SLC24A2: variants seen among roughly 807,000 people sequenced by gnomAD.
SLC24A2 encodes sodium/potassium/calcium exchanger 2.
Under a neutral mutation model 62.0 loss-of-function variants are expected in SLC24A2, and 36 were observed. The ratio of observed to expected loss-of-function variants is 0.58; its 90% confidence interval spans 0.44 to 0.77. The LOEUF (loss-of-function observed/expected upper bound fraction) is 0.77, where lower values mean the gene tolerates loss of function less well. Ranked by LOEUF, SLC24A2 falls within the 30% of genes least tolerant of loss-of-function variation. The pLI, the probability that SLC24A2 is intolerant of heterozygous loss-of-function variation, is 0.00. For synonymous variants in SLC24A2, 358 were observed against 294.0 expected (o/e 1.22, Z -2.23); for missense variants, 846 against 817.9 (o/e 1.03, Z -0.42).
chr9:19,703,266 C>A (rs1008042184), intron 2 of SLC24A2, among the ~76,000 whole-genome samples: 1 of 152,160 alleles, frequency 6.6e-6, no homozygotes, highest in African/African-American at 2.4e-5. Context: ...AAAGCTAGGG[C>A]TCAGAGAGAT....
the SLC24A2 span, among the ~76,000 whole-genome samples, chr9:19,996,557 T>C: frequency 3.3e-5 from 5 of 151,968 alleles, no homozygotes; most frequent in African/African-American, 9.7e-5. Context: ...CTGGCCAACA[T>C]GGTGAAATCC....
chr9:19,760,162 CCTGTAG>C (rs1822275975), intron 2 of SLC24A2, among the ~76,000 whole-genome samples: 1 of 152,030 alleles, frequency 6.6e-6, no homozygotes, highest in African/African-American at 2.4e-5. Context: ...TCACCCATTA[CCTGTAG>C]CTGGGCAATC....
chr9:19,866,049 G>A, the SLC24A2 span, among the ~76,000 whole-genome samples: 1 of 152,144 alleles, frequency 6.6e-6, no homozygotes, highest in Non-Finnish European at 1.5e-5. Flanking sequence ...GATTAGAATG[G>A]ACCTTTCTCA....
the SLC24A2 span, among the ~76,000 whole-genome samples, chr9:20,006,567 T>C: frequency 1.3e-5 from 2 of 152,108 alleles, no homozygotes; most frequent in Non-Finnish European, 2.9e-5. Flanking sequence ...TGTATCAAAA[T>C]ATCTCATATA....
At chr9:19,568,020 A>G (rs1236425575) in intron 7 of SLC24A2, among the ~76,000 whole-genome samples, 1 of 152,244 alleles carries the variant, frequency 6.6e-6, no homozygotes, top group Non-Finnish European at 1.5e-5. Context: ...TACACAAGGC[A>G]GGCTAAAGTC....
the SLC24A2 span, among the ~76,000 whole-genome samples, chr9:20,210,046 C>T: frequency 2.6e-5 from 4 of 152,172 alleles, no homozygotes; most frequent in African/African-American, 9.7e-5. Context: ...GTGAAGAGTT[C>T]ATTGTCAGGG....
the SLC24A2 span, among the ~76,000 whole-genome samples, chr9:20,244,994 A>G: frequency 1.3e-5 from 2 of 152,242 alleles, no homozygotes; most frequent in Non-Finnish European, 2.9e-5. Context: ...CAGAAAGTAC[A>G]GGAAATTGTC....
At chr9:19,773,776 A>G (rs1005788748) in intron 2 of SLC24A2, among the ~76,000 whole-genome samples, 3 of 152,216 alleles carry the variant, frequency 2.0e-5, no homozygotes, top group Non-Finnish European at 2.9e-5. Context: ...AGGTATGACT[A>G]GATAGGTGCA....
the SLC24A2 span, among the ~76,000 whole-genome samples, chr9:19,869,232 C>G: frequency 6.6e-6 from 1 of 152,156 alleles, no homozygotes; most frequent in Non-Finnish European, 1.5e-5. Context: ...TCTCCTGCCT[C>G]GGACTCCCAA....
chr9:20,269,663 C>G, the SLC24A2 span, among the ~76,000 whole-genome samples: 1 of 152,160 alleles, frequency 6.6e-6, no homozygotes, highest in Non-Finnish European at 1.5e-5. Flanking sequence ...ACAACCTGCT[C>G]CCCCGACCCT....
chr9:19,905,087 G>C, the SLC24A2 span, among the ~76,000 whole-genome samples: 1 of 152,148 alleles, frequency 6.6e-6, no homozygotes, highest in Non-Finnish European at 1.5e-5. Flanking sequence ...TCAATTAATA[G>C]ATAAAGTACC....
chr9:19,873,233 G>A, the SLC24A2 span, among the ~76,000 whole-genome samples: 18 of 148,730 alleles, frequency 1.2e-4, no homozygotes, highest in South Asian at 2.2e-4. Flanking sequence ...CCCTTCCTTC[G>A]TCTTCCTCCT....
chr9:20,049,563 T>A, the SLC24A2 span, among the ~76,000 whole-genome samples: 2 of 151,332 alleles, frequency 1.3e-5, no homozygotes, highest in Non-Finnish European at 2.9e-5. Context: ...ATTGTTTCAG[T>A]CATGGTCAAA....
chr9:19,619,698 C>G lies in SLC24A2; in HGVS notation c.970-6G>C, dbSNP rs762488964. 1.2e-6 allele frequency: 2 copies of G among 1,604,258 alleles called. No individual in the cohort carries two copies. Among genetic ancestry groups the G allele is most frequent in the Non-Finnish European group, 1.7e-6 (2 of 1,171,312 alleles). ...CGCTGGAGACGCGGCTTAGCCTGAG[C>G]AGAGAAACCAAAGAGATGGTTAGTC... On this transcript the variant is annotated splice_region_variant and splice_polypyrimidine_tract_variant and intron_variant, in intron 3 of 10. Coordinates refer to ENST00000341998, the MANE Select transcript of SLC24A2 (RefSeq NM_020344.4).
At chr9:20,048,353 T>C in the SLC24A2 span, among the ~76,000 whole-genome samples, 10 of 152,230 alleles carry the variant, frequency 6.6e-5, no homozygotes. Context: ...TTATTGGCAT[T>C]TGACCTTTAG....
At chr9:19,880,712 T>A in the SLC24A2 span, among the ~76,000 whole-genome samples, 7 of 152,162 alleles carry the variant, frequency 4.6e-5, no homozygotes, top group Non-Finnish European at 8.8e-5. Flanking sequence ...CTTGAGCAAC[T>A]GGCATAGACA....
intron 2 of SLC24A2, among the ~76,000 whole-genome samples, chr9:19,718,268 C>A (rs992361202): frequency 6.9e-6 from 1 of 144,624 alleles, no homozygotes; most frequent in Admixed American, 7.0e-5. Flanking sequence ...AGCTACCATG[C>A]CTGGCTGATT....
Position 19,509,251 on chromosome 9 carries a change from A to G in SLC24A2, c.*6902T>C, listed in dbSNP as rs1292720178. 3 of 152,228 alleles carry G rather than the reference A, an allele frequency of 2.0e-5. No individual in the cohort carries two copies. Among genetic ancestry groups the G allele is most frequent in the Non-Finnish European group, 4.4e-5 (3 of 68,030 alleles). The allele number at this position is 152,228 out of a possible 1,614,324, so 9.4% of individuals were successfully genotyped here. A position where few individuals can be genotyped will look rare whatever the true frequency, so the allele number is the denominator to read the frequency against. On this transcript the variant is annotated 3_prime_UTR_variant, in exon 11 of 11. Coordinates refer to ENST00000341998, the MANE Select transcript of SLC24A2 (RefSeq NM_020344.4). ...AGAACTTGCTAAAGAAACTGTAATA[A>G]GCTATTTTGAAAACGAAGACTGCTT...
rs113144668 is a variant in SLC24A2, at chr9:19,757,684, C to T, written c.930+28253G>A. Reference sequence around the variant, plus strand: ...AGATCTTGAAAAAGATAAAGACATACTACTATCATTTATTTGTCTTCACCA... The same window carrying T: ...AGATCTTGAAAAAGATAAAGACATATTACTATCATTTATTTGTCTTCACCA... On this transcript the variant is annotated intron_variant, in intron 2 of 10. Transcript: ENST00000341998. Among the ~76,000 whole-genome samples the T allele has an allele frequency of 9.9e-3, 1,509 of 152,310 alleles. 29 individuals are homozygous for T. The highest frequency in any genetic ancestry group is 0.035 in the African/African-American group (1,436 of 41,574).
Sources: allele counts gnomAD v4.1 joint callset (sites outside exome capture counted in the v4.1 genomes callset), GRCh38; gene constraint gnomAD v4.1.1; transcripts MANE v1.5; gene names NCBI Gene and HGNC (gene_info 2026-07-23, HGNC 2026-07-21).